ATOSA: variants seen among roughly 807,000 people sequenced by gnomAD.
The protein encoded by ATOSA is atos homolog A, also known as atos homolog protein A.
chr15:52,588,951 C>T, the ATOSA span, among the ~76,000 whole-genome samples: 4 of 152,070 alleles, frequency 2.6e-5, no homozygotes, highest in African/African-American at 4.8e-5. Flanking sequence ...CTGTTGGGTT[C>T]GGAAGTTGGA....
chr15:52,648,114 A>G, the ATOSA span, among the ~76,000 whole-genome samples: 1 of 152,186 alleles, frequency 6.6e-6, no homozygotes, highest in Non-Finnish European at 1.5e-5. Flanking sequence ...CTTTAAAGGA[A>G]AGTTATAATA....
the ATOSA span, chr15:52,598,459 A>T: frequency 6.6e-6 from 1 of 152,214 alleles, no homozygotes; most frequent in African/African-American, 2.4e-5. Flanking sequence ...CATTACAGGG[A>T]TAAGACTTTG....
the ATOSA span, among the ~76,000 whole-genome samples, chr15:52,673,137 G>A: frequency 6.6e-6 from 1 of 152,160 alleles, no homozygotes; most frequent in Non-Finnish European, 1.5e-5. Flanking sequence ...CTAAGTGCCA[G>A]CCACTGTTTT....
the ATOSA span, among the ~76,000 whole-genome samples, chr15:52,632,499 C>T: frequency 2.0e-5 from 3 of 152,008 alleles, no homozygotes; most frequent in African/African-American, 7.2e-5. Context: ...AGGCATAAAT[C>T]CAAATACTGA....
the ATOSA span, among the ~76,000 whole-genome samples, chr15:52,663,600 A>G: frequency 2.2e-5 from 2 of 92,340 alleles, no homozygotes; most frequent in Non-Finnish European, 3.2e-5. Flanking sequence ...GATGACACAT[A>G]TTACATTAAT....
At chr15:52,637,841 T>A in the ATOSA span, among the ~76,000 whole-genome samples, 1 of 152,216 alleles carries the variant, frequency 6.6e-6, no homozygotes, top group Non-Finnish European at 1.5e-5. Context: ...ACCAGTGACT[T>A]CCTATAAGAT....
the ATOSA span, among the ~76,000 whole-genome samples, chr15:52,643,902 G>A: frequency 6.6e-6 from 1 of 151,406 alleles, no homozygotes; most frequent in Non-Finnish European, 1.5e-5. Context: ...GACAGAGGGA[G>A]ATTCAGTCTC....
the ATOSA span, among the ~76,000 whole-genome samples, chr15:52,693,411 C>A: frequency 6.6e-6 from 1 of 152,112 alleles, no homozygotes; most frequent in South Asian, 2.1e-4. Context: ...GAGAGCGAGA[C>A]TCCATCTCAA....
chr15:52,601,562 T>C, the ATOSA span, among the ~76,000 whole-genome samples: 3 of 149,318 alleles, frequency 2.0e-5, no homozygotes, highest in African/African-American at 7.4e-5. Context: ...CGAATAGAGA[T>C]AGGAGCCTGA....
the ATOSA span, chr15:52,613,615 T>C: frequency 3.4e-6 from 5 of 1,476,956 alleles, 1 homozygote; most frequent in South Asian, 3.8e-5. Flanking sequence ...ATAAAGGTGA[T>C]GATGAACATA....
the ATOSA span, among the ~76,000 whole-genome samples, chr15:52,583,824 G>A: frequency 7.2e-5 from 11 of 152,256 alleles, 1 homozygote; most frequent in Middle Eastern, 0.01. Context: ...GGCTGAACAC[G>A]TCTTTTGCAT....
chr15:52,659,618 C>T, the ATOSA span, among the ~76,000 whole-genome samples: 8 of 152,206 alleles, frequency 5.3e-5, 1 homozygote, highest in South Asian at 1.5e-3. Flanking sequence ...GATGCAATAT[C>T]CTACAAAACA....
the ATOSA span, chr15:52,652,057 G>A: frequency 6.8e-7 from 1 of 1,471,060 alleles, no homozygotes; most frequent in Non-Finnish European, 8.9e-7. Context: ...TTTCACAAAG[G>A]CAGCAGAGTA....
At chr15:52,623,438 G>A in the ATOSA span, among the ~76,000 whole-genome samples, 1 of 151,978 alleles carries the variant, frequency 6.6e-6, no homozygotes, top group Admixed American at 6.6e-5. Flanking sequence ...GCACGCATTT[G>A]GATAGTATTT....
the ATOSA span, among the ~76,000 whole-genome samples, chr15:52,692,439 C>T: frequency 7.9e-5 from 12 of 151,798 alleles, no homozygotes; most frequent in African/African-American, 2.9e-4. Context: ...TTACTGCAAC[C>T]TCTGCTTCCC....
At chr15:52,613,742 A>G in the ATOSA span, 5 of 1,613,792 alleles carry the variant, frequency 3.1e-6, no homozygotes, top group East Asian at 2.2e-5. Flanking sequence ...GAGGGCAATG[A>G]AAGCTTTCTG....
At chr15:52,708,988 T>G in the ATOSA span, among the ~76,000 whole-genome samples, 1 of 151,962 alleles carries the variant, frequency 6.6e-6, no homozygotes, top group African/African-American at 2.4e-5. Flanking sequence ...CTGGCTGATG[T>G]AGAGGTGAAT....
the ATOSA span, among the ~76,000 whole-genome samples, chr15:52,670,747 A>C: frequency 6.6e-6 from 1 of 151,898 alleles, no homozygotes; most frequent in Non-Finnish European, 1.5e-5. Flanking sequence ...GGCCCTTTGC[A>C]CATCTATACA....
At chr15:52,584,424 C>T in the ATOSA span, among the ~76,000 whole-genome samples, 2 of 152,104 alleles carry the variant, frequency 1.3e-5, no homozygotes, top group Non-Finnish European at 2.9e-5. Flanking sequence ...AAGGTGTGAG[C>T]CACTGTGCCC....
Sources: allele counts gnomAD v4.1 joint callset (sites outside exome capture counted in the v4.1 genomes callset), GRCh38; gene constraint gnomAD v4.1.1; transcripts MANE v1.5; gene names NCBI Gene and HGNC (gene_info 2026-07-23, HGNC 2026-07-21).